Variants in JPH4 observed in about 807,000 individuals in gnomAD.
The protein encoded by JPH4 is junctophilin 4, also known as junctophilin-4.
JPH4 carries 18 observed loss-of-function variants against 57.6 expected under a neutral mutation model. That is an observed-to-expected ratio of 0.31 (90% CI 0.22 to 0.46). JPH4 has a LOEUF of 0.46. Among genes scored for constraint, JPH4 ranks in the 20% least tolerant of loss-of-function variants. The pLI is 1.00. For missense variants in JPH4, 727 were observed against 911.1 expected (o/e 0.80, Z 2.60); for synonymous variants, 425 against 406.6 (o/e 1.05, Z -0.54).
rs765231724 is a variant in JPH4 at position 23,571,206 on chromosome 14, G to T, written c.1525C>A (p.Leu509Ile). ...WGGAGAQAEE[L>I]AGYEAEDEAG... ...TCATCCTCAGCCTCATAGCCAGCTAGTTCCTCTGCCTGTGCGCCTGCCCCC... is the reference window on the plus strand; with the variant it reads ...TCATCCTCAGCCTCATAGCCAGCTATTTCCTCTGCCTGTGCGCCTGCCCCC... The change falls in exon 5 of 6, where the codon CTA becomes ATA. Residue 509 changes from leucine to isoleucine, a missense_variant. Leu to Ile is a conservative substitution (Grantham distance 5). Coordinates refer to ENST00000356300, the MANE Select transcript of JPH4 (RefSeq NM_001146028.2). The surrounding 1 kb of genome is among the most constrained non-coding windows in gnomAD (Gnocchi z 4.6). The T allele has an allele frequency of 1.2e-6, 2 of 1,613,840 alleles. No individual in the cohort carries two copies. The highest frequency in any genetic ancestry group is 1.7e-6 in the Non-Finnish European group (2 of 1,179,956).
chr14:23,576,235 C>T lies in JPH4; in HGVS notation c.601G>A (p.Gly201Arg). 1 of 1,270,382 alleles carries T rather than the reference C, an allele frequency of 7.9e-7. No homozygotes were observed. The highest frequency in any genetic ancestry group is 9.9e-7 in the Non-Finnish European group (1 of 1,010,038). 78.7% of individuals were successfully genotyped at this position (1,270,382 alleles called of 1,614,324 possible). The change falls in exon 3 of 6, where the codon GGG becomes AGG. Residue 201 changes from glycine (G) to arginine (R), a missense_variant. This residue lies in a region of JPH4 where 131 missense variants were observed against 156.5 expected (regional missense o/e 0.84). Coordinates refer to ENST00000356300, the MANE Select transcript of JPH4 (RefSeq NM_001146028.2). This position sits in a 1 kb window ranked among gnomAD's most constrained non-coding sequence, Gnocchi z 8.0. ...CGGGACGACGCGCCGTCGGCGTCCCCGGGCCCGGCCAGCACGAAGCCGCCC... is the reference window on the plus strand; with the variant it reads ...CGGGACGACGCGCCGTCGGCGTCCCTGGGCCCGGCCAGCACGAAGCCGCCC... The part of the protein sequence containing the change: ...SRGGFVLAGP[G>R]DADGASSRKR...
chr14:23,570,052 G>A (rs886721829), intron 5 of JPH4, among the ~76,000 whole-genome samples: 1 of 152,178 alleles, frequency 6.6e-6, no homozygotes, highest in Non-Finnish European at 1.5e-5. Flanking sequence ...GAGGGATGAA[G>A]GGGTGAGGAT....
In JPH4 at chr14:23,568,173, G is replaced by C. The variant is rs1310469327; in HGVS notation, c.*1461C>G. 1 of 985,694 alleles carries C rather than the reference G, an allele frequency of 1.0e-6. No homozygotes were observed. Among genetic ancestry groups the C allele is most frequent in the African/African-American group, 1.7e-5 (1 of 57,208 alleles). 61.1% of individuals were successfully genotyped at this position (985,694 alleles called of 1,614,324 possible). A position where few individuals can be genotyped will look rare whatever the true frequency, so the allele number is the denominator to read the frequency against. ...CCATGAAATAGAAATCAGAAGTAAA[G>C]GTTGAGAGGGGAGGAAGGAGGGAGG... On this transcript the variant is annotated 3_prime_UTR_variant, in exon 6 of 6. Transcript: ENST00000356300.
rs545674547 is a variant in JPH4, at chr14:23,576,693, G to C, written c.380-237C>G. Among the ~76,000 whole-genome samples, 1 of 152,146 alleles carries C rather than the reference G, an allele frequency of 6.6e-6. No homozygotes were observed. The highest frequency in any genetic ancestry group is 2.4e-5 in the African/African-American group (1 of 41,438). On this transcript the variant is annotated intron_variant, in intron 2 of 5. Coordinates refer to ENST00000356300, the MANE Select transcript of JPH4 (RefSeq NM_001146028.2). The surrounding 1 kb of genome is among the most constrained non-coding windows in gnomAD (Gnocchi z 8.0). ...AGCCCTACGTGGATTTTGGCAGTGC[G>C]GGTAAACAGGGGAAACGGGGAGGGC...
rs1461977871 is a variant in JPH4, at chr14:23,571,697, C to T, written c.1270+105G>A. 1.7e-5 allele frequency: 20 copies of T among 1,183,294 alleles called. No homozygotes were observed. Among genetic ancestry groups the T allele is most frequent in the Admixed American group, 3.9e-5 (2 of 51,756 alleles). 73.3% of individuals were successfully genotyped at this position (1,183,294 alleles called of 1,614,324 possible). On this transcript the variant is annotated intron_variant, in intron 4 of 5. Transcript: ENST00000356300. The surrounding 1 kb of genome is among the most constrained non-coding windows in gnomAD (Gnocchi z 4.6). ...TTGCACCCTCATTCCTTGTTTTTTC[C>T]CATCCCCACTTCCCTTGCAGGGCTT...
At chr14:23,570,219 T>G (rs547489581) in intron 5 of JPH4, among the ~76,000 whole-genome samples, 1 of 146,402 alleles carries the variant, frequency 6.8e-6, no homozygotes, top group African/African-American at 2.6e-5. Flanking sequence ...TTTTCCTTTT[T>G]TATTTCTGGG....
chr14:23,573,198 C>T (rs552800852), intron 3 of JPH4, among the ~76,000 whole-genome samples: 1 of 152,288 alleles, frequency 6.6e-6, no homozygotes, highest in South Asian at 2.1e-4. Context: ...TCTTTATGTT[C>T]TTTGGGAGCC....
Position 23,578,260 on chromosome 14 carries a change from CCAAGCCCCCTCCCCTT to C in JPH4, c.-268_-253del, listed in dbSNP as rs1318504755. 6.6e-4 allele frequency: 100 copies of C among 152,066 alleles called. No homozygotes were observed. Among genetic ancestry groups the C allele is most frequent in the African/African-American group, 2.4e-3 (98 of 41,418 alleles). The allele number at this position is 152,066 out of a possible 1,614,324, so 9.4% of individuals were successfully genotyped here. The stretch of plus-strand genomic sequence containing the variant: ...TCCACTCCCACCTCGCCCGGACAAG[CCAAGCCCCCTCCCCTT>C]CCGGAGAGACTGCTCCAACCCAGAG... On this transcript the variant is annotated 5_prime_UTR_variant, in exon 1 of 6. Coordinates refer to ENST00000356300, the MANE Select transcript of JPH4 (RefSeq NM_001146028.2).
rs971372877 is a variant in JPH4 at position 23,575,175 on chromosome 14, T to C, written c.1151+510A>G. 1 of 155,960 alleles carries C rather than the reference T, an allele frequency of 6.4e-6. No individual in the cohort carries two copies. Among genetic ancestry groups the C allele is most frequent in the African/African-American group, 2.4e-5 (1 of 41,484 alleles). 9.7% of individuals were successfully genotyped at this position (155,960 alleles called of 1,614,324 possible). ...GAGACTATCTTTTCAGGTGGATAGG[T>C]CAGCTGTATAAATTAGACTTCCCAA... On this transcript the variant is annotated intron_variant, in intron 3 of 5. Transcript: ENST00000356300. The surrounding 1 kb of genome is among the most constrained non-coding windows in gnomAD (Gnocchi z 6.9).
rs938700543 is a variant in JPH4, at chr14:23,568,226, C to G, written c.*1408G>C. ...AGCCAAGGAATAAACAAGAGTTTGACTAGAAAAAAAGAAGAGGGTATGTGT... is the reference window on the plus strand; with the variant it reads ...AGCCAAGGAATAAACAAGAGTTTGAGTAGAAAAAAAGAAGAGGGTATGTGT... On this transcript the variant is annotated 3_prime_UTR_variant, in exon 6 of 6. Transcript: ENST00000356300. 2.0e-6 allele frequency: 2 copies of G among 985,616 alleles called. No individual in the cohort carries two copies. The highest frequency in any genetic ancestry group is 6.1e-5 in the Admixed American group (1 of 16,264). 61.1% of individuals were successfully genotyped at this position (985,616 alleles called of 1,614,324 possible).
In JPH4 at chr14:23,571,793, A is replaced by G. The variant is rs1889155346; in HGVS notation, c.1270+9T>C. On this transcript the variant is annotated intron_variant, in intron 4 of 5. Transcript: ENST00000356300. This position sits in a 1 kb window ranked among gnomAD's most constrained non-coding sequence, Gnocchi z 4.6. Reference sequence around the variant, plus strand: ...CTCACTGCCCTCCCCCCAGCTGTCCATGCCTCACCTGGGGCCTCTAGCATG... The same window carrying G: ...CTCACTGCCCTCCCCCCAGCTGTCCGTGCCTCACCTGGGGCCTCTAGCATG... 1.9e-6 allele frequency: 3 copies of G among 1,608,524 alleles called. No individual in the cohort carries two copies. The highest frequency in any genetic ancestry group is 1.3e-5 in the African/African-American group (1 of 74,902).
At position 23,578,386 on chromosome 14, in the gene JPH4, T is replaced by C. The variant is rs1340615035; in HGVS notation, c.-378A>G. 8.0e-6 allele frequency: 1 copy of C among 124,548 alleles called. No individual in the cohort carries two copies. The highest frequency in any genetic ancestry group is 1.7e-5 in the Non-Finnish European group (1 of 58,550). 7.7% of individuals were successfully genotyped at this position (124,548 alleles called of 1,614,324 possible). A position where few individuals can be genotyped will look rare whatever the true frequency, so the allele number is the denominator to read the frequency against. ...TGGGGGGGCGAGGTAGTGGCAAGGGTGGGGGAAGATGAGAATAGTGTAGGG... is the reference window on the plus strand; with the variant it reads ...TGGGGGGGCGAGGTAGTGGCAAGGGCGGGGGAAGATGAGAATAGTGTAGGG... On this transcript the variant is annotated 5_prime_UTR_variant, in exon 1 of 6. Coordinates refer to ENST00000356300, the MANE Select transcript of JPH4 (RefSeq NM_001146028.2).
In JPH4 at chr14:23,568,919, C is replaced by T. The variant is rs541158679; in HGVS notation, c.*715G>A. On this transcript the variant is annotated 3_prime_UTR_variant, in exon 6 of 6. Transcript: ENST00000356300. ...CGTTGCTCTTGGCATGGCATGCCAC[C>T]AGAGGGGGCTGGAGGAGGGGCTGGC... 6.7e-5 allele frequency: 34 copies of T among 503,878 alleles called. No homozygotes were observed. The highest frequency in any genetic ancestry group is 6.1e-4 in the African/African-American group (29 of 47,812). The allele number at this position is 503,878 out of a possible 1,614,324, so 31.2% of individuals were successfully genotyped here.
Position 23,569,804 on chromosome 14 carries a change from C to T in JPH4, c.1804-87G>A. 2 of 799,586 alleles carry T rather than the reference C, an allele frequency of 2.5e-6. No individual in the cohort carries two copies. The highest frequency in any genetic ancestry group is 5.4e-5 in the East Asian group (2 of 37,230). 49.5% of individuals were successfully genotyped at this position (799,586 alleles called of 1,614,324 possible). On this transcript the variant is annotated intron_variant, in intron 5 of 5. Coordinates refer to ENST00000356300, the MANE Select transcript of JPH4 (RefSeq NM_001146028.2). The surrounding 1 kb of genome is among the most constrained non-coding windows in gnomAD (Gnocchi z 4.8). ...GACTGAGGTGGCAGAGCTGAAGGGT[C>T]TCAGGCACCTCCCTGCACAGCCTGG...
At chr14:23,574,818 G>C (rs1889235202) in intron 3 of JPH4, 1 of 251,900 alleles carries the variant, frequency 4.0e-6, no homozygotes, top group African/African-American at 2.3e-5. Flanking sequence ...TCCGTTGTTT[G>C]TTTGGTTTTT....
rs1333303213 is a variant in JPH4, at chr14:23,576,133, T to A, written c.703A>T (p.Ser235Cys). ...GAGCCTCGCTTGCTGCCCAGGGAGC[T>A]GCGACGTCCGCCCGCTCGGAGCCCG... ...LSGLRAGGRR[S>C]SLGSKRGSLR... is the part of the protein sequence containing the mutation. The change falls in exon 3 of 6, where the codon AGC becomes TGC. Residue 235 changes from serine (S) to cysteine (C), a missense_variant. Ser to Cys is a moderately radical substitution (Grantham distance 112, BLOSUM62 -1). Around this residue, in one of 7 missense-constraint regions of JPH4, gnomAD observed 131 missense variants for 156.5 expected, o/e 0.84. Coordinates refer to ENST00000356300, the MANE Select transcript of JPH4 (RefSeq NM_001146028.2). The surrounding 1 kb of genome is among the most constrained non-coding windows in gnomAD (Gnocchi z 8.0). 2.3e-6 allele frequency: 3 copies of A among 1,310,550 alleles called. No individual in the cohort carries two copies. The highest frequency in any genetic ancestry group is 2.9e-6 in the Non-Finnish European group (3 of 1,029,444). 81.2% of individuals were successfully genotyped at this position (1,310,550 alleles called of 1,614,324 possible).
rs1316868773 is a variant in JPH4, at chr14:23,572,775, C to T, written c.1152-855G>A. ...TACTAACATGCAATATGCTTTCTCA[C>T]CATTGCAACTACACTTCTGGCTAAA... On this transcript the variant is annotated intron_variant, in intron 3 of 5. Coordinates refer to ENST00000356300, the MANE Select transcript of JPH4 (RefSeq NM_001146028.2). 6.0e-6 allele frequency: 4 copies of T among 669,060 alleles called. No homozygotes were observed. The East Asian group carries it at 1.1e-4, about 18-fold the overall frequency. The allele number at this position is 669,060 out of a possible 1,614,324, so 41.4% of individuals were successfully genotyped here.
At position 23,571,245 on chromosome 14, in the gene JPH4, G is replaced by C. The variant is rs143714494; in HGVS notation, c.1486C>G (p.Pro496Ala). ...GCGCCTGCCCCCCCCCACTCCTCAGGCCAAGCTTTGGGGCTGGAGAAGGGA... is the reference window on the plus strand; with the variant it reads ...GCGCCTGCCCCCCCCCACTCCTCAGCCCAAGCTTTGGGGCTGGAGAAGGGA... ...QGPFSSPKAW[P>A]EEWGGAGAQA... The change falls in exon 5 of 6, where the codon CCT becomes GCT. Residue 496 changes from proline to alanine, a missense_variant. Pro to Ala is a conservative substitution (Grantham distance 27). Around this residue, in one of 7 missense-constraint regions of JPH4, gnomAD observed 293 missense variants for 279.8 expected, o/e 1.05. Coordinates refer to ENST00000356300, the MANE Select transcript of JPH4 (RefSeq NM_001146028.2). The surrounding 1 kb of genome is among the most constrained non-coding windows in gnomAD (Gnocchi z 4.6). 1.9e-6 allele frequency: 3 copies of C among 1,610,156 alleles called. No individual in the cohort carries two copies. The highest frequency in any genetic ancestry group is 1.1e-5 in the South Asian group (1 of 90,662).
chr14:23,571,074 G>C lies in JPH4; in HGVS notation c.1657C>G (p.Leu553Val). The change falls in exon 5 of 6, where the codon CTG becomes GTG. Residue 553 changes from leucine to valine, a missense_variant. Around this residue, in one of 7 missense-constraint regions of JPH4, gnomAD observed 293 missense variants for 279.8 expected, o/e 1.05. Transcript: ENST00000356300. The surrounding 1 kb of genome is among the most constrained non-coding windows in gnomAD (Gnocchi z 4.6). ...CCTGCTGGGGCCCTCAGCGGGGGCA[G>C]GGGCTCTTCATCCTCCCCCTCCTCC... ...REEEGEDEEP[L>V]PPLRAPAGTE... is the part of the protein sequence containing the mutation. 2 of 1,612,964 alleles carry C rather than the reference G, an allele frequency of 1.2e-6. No individual in the cohort carries two copies. Among genetic ancestry groups the C allele is most frequent in the Non-Finnish European group, 1.7e-6 (2 of 1,179,384 alleles).
Sources: allele counts gnomAD v4.1 joint callset (sites outside exome capture counted in the v4.1 genomes callset), GRCh38; gene constraint gnomAD v4.1.1; regional missense constraint gnomAD v4.1.1; non-coding constraint Gnocchi (gnomAD v3.1); transcripts MANE v1.5; gene names NCBI Gene and HGNC (gene_info 2026-07-23, HGNC 2026-07-21).